Variants in SLC27A6 observed in about 807,000 individuals in gnomAD.
The protein encoded by SLC27A6 is solute carrier family 27 member 6, also known as long-chain fatty acid transport protein 6.
SLC27A6 carries 74 observed loss-of-function variants against 63.9 expected under a neutral mutation model. The ratio of observed to expected loss-of-function variants is 1.16; its 90% CI spans 0.96 to 1.40. SLC27A6 has a LOEUF of 1.40. Ranked by LOEUF, SLC27A6 falls within the 40% of genes most tolerant of loss-of-function variation. SLC27A6 has a pLI of 0.00. For synonymous variants in SLC27A6, 287 were observed against 260.8 expected (o/e 1.10, Z -0.97); for missense variants, 794 against 732.9 (o/e 1.08, Z -0.96).
intron 1 of SLC27A6, among the ~76,000 whole-genome samples, chr5:128,984,634 C>T (rs1031404942): frequency 6.6e-6 from 1 of 152,200 alleles, no homozygotes; most frequent in Non-Finnish European, 1.5e-5. Context: ...TCCCCACTCA[C>T]TTAACTTCTG....
chr5:128,975,227 G>T (rs530646087), intron 1 of SLC27A6, among the ~76,000 whole-genome samples: 2 of 152,202 alleles, frequency 1.3e-5, no homozygotes, highest in South Asian at 2.1e-4. Context: ...GGCAGACACT[G>T]GTAATCCCAG....
chr5:128,968,766 A>G (rs1750014395), intron 1 of SLC27A6, among the ~76,000 whole-genome samples: 1 of 151,892 alleles, frequency 6.6e-6, no homozygotes, highest in South Asian at 2.1e-4. Context: ...TCTTTAGTTT[A>G]ATTAGATCCC....
intron 4 of SLC27A6, among the ~76,000 whole-genome samples, 154 bp from the exon 5 acceptor site, chr5:129,015,731 A>G (rs887961033): frequency 1.3e-5 from 2 of 152,214 alleles, no homozygotes; most frequent in Non-Finnish European, 2.9e-5. Context: ...TAGGATTTGG[A>G]CACAGTTCTG....
intron 4 of SLC27A6, among the ~76,000 whole-genome samples, chr5:129,010,503 G>T (rs983274518): frequency 6.6e-6 from 1 of 152,172 alleles, no homozygotes. Context: ...TTCTCTGGCT[G>T]CAAGCAAGGA....
At chr5:128,984,595 T>A (rs1437742566) in intron 1 of SLC27A6, among the ~76,000 whole-genome samples, 2 of 152,198 alleles carry the variant, frequency 1.3e-5, no homozygotes, top group African/African-American at 2.4e-5. Context: ...AGTCTTCACC[T>A]CTCTCTCCCA....
chr5:128,987,665 C>A (rs1289492668), intron 2 of SLC27A6, among the ~76,000 whole-genome samples: 2 of 151,952 alleles, frequency 1.3e-5, no homozygotes, highest in African/African-American at 4.8e-5. Context: ...GTTGGAAAAT[C>A]TCTCAAAAAG....
intron 2 of SLC27A6, among the ~76,000 whole-genome samples, chr5:128,987,099 A>C (rs1750815726): frequency 6.6e-6 from 1 of 152,168 alleles, no homozygotes; most frequent in African/African-American, 2.4e-5. Context: ...GAGGTTTAAA[A>C]AGTAGGGGAT....
intron 4 of SLC27A6, among the ~76,000 whole-genome samples, chr5:128,994,212 C>T (rs1441914332): frequency 6.6e-6 from 1 of 152,028 alleles, no homozygotes; most frequent in African/African-American, 2.4e-5. Flanking sequence ...TTAACTAAAT[C>T]TCTTCAAAGA....
intron 1 of SLC27A6, among the ~76,000 whole-genome samples, chr5:128,980,936 A>T (rs1208617020): frequency 6.6e-6 from 1 of 152,174 alleles, no homozygotes; most frequent in African/African-American, 2.4e-5. Flanking sequence ...TAAAATTTTT[A>T]CCCATATATT....
chr5:128,985,075 A>T, intron 1 of SLC27A6, 58 bp from the exon 2 acceptor site: 1 of 1,281,564 alleles, frequency 7.8e-7, no homozygotes, highest in Non-Finnish European at 1.1e-6. Context: ...AGCAACTCCA[A>T]AGTGAATTGT....
In SLC27A6 at chr5:128,988,650, G is replaced by A. The variant is rs1216339404; in HGVS notation, c.736G>A (p.Ala246Thr). ...TCAGCTGCAGGTTTTAAGGGGTTCT[G>A]CTGTCCTGTGGGCTTTTGGTTGTAC... ...ISQLQVLRGSAVLWAFGCTAH... is the reference protein window; with the variant it reads ...ISQLQVLRGSTVLWAFGCTAH... The change falls in exon 3 of 10, where the codon GCT becomes ACT. Residue 246 changes from alanine (A) to threonine (T), a missense_variant. Transcript: ENST00000262462. 6.2e-7 allele frequency: 1 copy of A among 1,613,932 alleles called. No individual in the cohort carries two copies. The highest frequency in any genetic ancestry group is 8.5e-7 in the Non-Finnish European group (1 of 1,179,956).
chr5:128,965,973 C>T lies in SLC27A6; in HGVS notation c.-165C>T. ...TCGGTGCAAACCTACGATTCTGTTTCTCAGGATTCCTCCCCATCCCGCTTC... is the reference window on the plus strand; with the variant it reads ...TCGGTGCAAACCTACGATTCTGTTTTTCAGGATTCCTCCCCATCCCGCTTC... On this transcript the variant is annotated 5_prime_UTR_variant, in exon 1 of 10. Coordinates refer to ENST00000262462, the MANE Select transcript of SLC27A6 (RefSeq NM_001017372.3). 2 of 721,578 alleles carry T rather than the reference C, an allele frequency of 2.8e-6. No homozygotes were observed. Among genetic ancestry groups the T allele is most frequent in the Non-Finnish European group, 4.1e-6 (2 of 486,204 alleles). 44.7% of individuals were successfully genotyped at this position (721,578 alleles called of 1,614,324 possible).
chr5:129,026,214 G>C (rs1018399529), intron 6 of SLC27A6, among the ~76,000 whole-genome samples: 1 of 152,088 alleles, frequency 6.6e-6, no homozygotes, highest in Non-Finnish European at 1.5e-5. Context: ...CATGAACACT[G>C]CATCACTTTA....
intron 1 of SLC27A6, among the ~76,000 whole-genome samples, chr5:128,978,796 A>G (rs1183397609): frequency 6.6e-6 from 1 of 152,256 alleles, no homozygotes; most frequent in African/African-American, 2.4e-5. Context: ...CAAAATCATT[A>G]TAAAGCCAAT....
intron 9 of SLC27A6, 112 bp downstream of exon 9, chr5:129,029,819 G>A (rs1752360512): frequency 3.2e-6 from 3 of 933,892 alleles, no homozygotes; most frequent in Admixed American, 2.9e-5. Context: ...TGTGAGAGGC[G>A]TGGCGTGTAG....
chr5:129,031,293 A>G (rs1188741155), intron 9 of SLC27A6, among the ~76,000 whole-genome samples: 2 of 152,044 alleles, frequency 1.3e-5, no homozygotes, highest in East Asian at 3.9e-4. Context: ...TGATCTCATA[A>G]AAGAAATGCA....
chr5:129,010,769 C>G (rs919264761), intron 4 of SLC27A6, among the ~76,000 whole-genome samples: 1 of 152,080 alleles, frequency 6.6e-6, no homozygotes, highest in African/African-American at 2.4e-5. Context: ...CCTCCAGAAA[C>G]TTGATTCTGT....
At chr5:128,984,930 G>C (rs892889064) in intron 1 of SLC27A6, among the ~76,000 whole-genome samples, 7 of 152,192 alleles carry the variant, frequency 4.6e-5, no homozygotes, top group African/African-American at 1.7e-4. Context: ...GCATTGGTCT[G>C]TCAGGTGATA....
At chr5:129,012,659 T>G (rs1751762768) in intron 4 of SLC27A6, among the ~76,000 whole-genome samples, 1 of 152,098 alleles carries the variant, frequency 6.6e-6, no homozygotes, top group Non-Finnish European at 1.5e-5. Context: ...ATCCATACAG[T>G]GAATTGACCC....
Sources: allele counts gnomAD v4.1 joint callset (sites outside exome capture counted in the v4.1 genomes callset), GRCh38; gene constraint gnomAD v4.1.1; transcripts MANE v1.5; gene names NCBI Gene and HGNC (gene_info 2026-07-23, HGNC 2026-07-21).